CDK14: variants seen among roughly 807,000 people sequenced by gnomAD.
CDK14 encodes cyclin-dependent kinase 14.
In CDK14, 34 loss-of-function variants were observed where a neutral mutation model predicts 60.7. The ratio of observed to expected loss-of-function variants is 0.56; its 90% CI spans 0.43 to 0.75. CDK14 has a LOEUF of 0.75. CDK14 is among the 30% of genes least tolerant of loss of function. The pLI is 0.00. For synonymous variants in CDK14, 197 were observed against 203.7 expected, an observed-to-expected ratio of 0.97 and a Z score of 0.28; for missense variants, 482 against 564.1, an observed-to-expected ratio of 0.85 and a Z score of 1.47.
intron 10 of CDK14, among the ~76,000 whole-genome samples, chr7:91,028,445 A>G (rs937292209): frequency 1.3e-5 from 2 of 152,190 alleles, no homozygotes; most frequent in African/African-American, 2.4e-5. Context: ...GTAGCTACCT[A>G]CTAGTAGAAT....
intron 14 of CDK14, among the ~76,000 whole-genome samples, chr7:91,183,954 G>A (rs1021448913): frequency 2.6e-5 from 4 of 152,116 alleles, no homozygotes; most frequent in African/African-American, 9.7e-5. Context: ...CAGCACTTTG[G>A]GAGGCCAAGG....
intron 2 of CDK14, among the ~76,000 whole-genome samples, chr7:90,635,046 T>C (rs1004179548): frequency 6.6e-6 from 1 of 152,184 alleles, no homozygotes; most frequent in Non-Finnish European, 1.5e-5. Flanking sequence ...CTTTGTCAGA[T>C]GAGTAGGTTG....
intron 10 of CDK14, among the ~76,000 whole-genome samples, chr7:91,003,328 C>T (rs1795891975): frequency 6.6e-6 from 1 of 152,136 alleles, no homozygotes; most frequent in Non-Finnish European, 1.5e-5. Context: ...CTCACCTGGT[C>T]ACTGTCGCAG....
At chr7:91,008,246 G>T (rs1056294046) in intron 10 of CDK14, among the ~76,000 whole-genome samples, 1 of 151,816 alleles carries the variant, frequency 6.6e-6, no homozygotes, top group East Asian at 1.9e-4. Context: ...CTAACTCAAG[G>T]TGAAGCCAGC....
At chr7:91,073,954 T>C (rs1406830957) in intron 11 of CDK14, among the ~76,000 whole-genome samples, 1 of 152,144 alleles carries the variant, frequency 6.6e-6, no homozygotes, top group Non-Finnish European at 1.5e-5. Context: ...AACAACTAAC[T>C]ATCCAAAATA....
At chr7:91,097,048 G>C (rs780974017) in intron 12 of CDK14, among the ~76,000 whole-genome samples, 1 of 152,128 alleles carries the variant, frequency 6.6e-6, no homozygotes, top group Non-Finnish European at 1.5e-5. Flanking sequence ...AAATGGACTT[G>C]AGTAAAATTC....
intron 14 of CDK14, among the ~76,000 whole-genome samples, chr7:91,158,532 G>A (rs1186546707): frequency 6.6e-6 from 1 of 152,106 alleles, no homozygotes; most frequent in Non-Finnish European, 1.5e-5. Context: ...TTAGGTTGTT[G>A]CACTTCCAGA....
chr7:90,883,450 T>C (rs1205055176), intron 6 of CDK14, among the ~76,000 whole-genome samples: 1 of 151,630 alleles, frequency 6.6e-6, no homozygotes, highest in Non-Finnish European at 1.5e-5. Flanking sequence ...ATTGAGGCAG[T>C]AAACAAACAA....
intron 3 of CDK14, among the ~76,000 whole-genome samples, chr7:90,736,081 A>G (rs925690950): frequency 6.6e-6 from 1 of 151,754 alleles, no homozygotes; most frequent in African/African-American, 2.4e-5. Flanking sequence ...GGGGGAGGGA[A>G]ATCCCTTTAC....
At chr7:91,058,768 T>C (rs1338921519) in intron 11 of CDK14, among the ~76,000 whole-genome samples, 3 of 152,212 alleles carry the variant, frequency 2.0e-5, no homozygotes, top group Admixed American at 6.5e-5. Flanking sequence ...TTGATCATGA[T>C]GGATAAGCTT....
intron 2 of CDK14, among the ~76,000 whole-genome samples, chr7:90,706,414 A>T (rs1801896665): frequency 6.6e-6 from 1 of 152,162 alleles, no homozygotes; most frequent in Admixed American, 6.5e-5. Context: ...TGTCATCAGC[A>T]ACTCTTCTTA....
chr7:90,774,230 T>C (rs1249381888), intron 4 of CDK14, among the ~76,000 whole-genome samples: 5 of 152,138 alleles, frequency 3.3e-5, no homozygotes, highest in Non-Finnish European at 7.4e-5. Context: ...ATACCAGTTA[T>C]ATATAACGCT....
chr7:90,771,433 T>C (rs1287687864), intron 4 of CDK14, among the ~76,000 whole-genome samples: 2 of 152,202 alleles, frequency 1.3e-5, no homozygotes, highest in Non-Finnish European at 2.9e-5. Context: ...TCTTGTCTTA[T>C]GACCAAAAGG....
intron 2 of CDK14, among the ~76,000 whole-genome samples, chr7:90,620,104 C>A (rs1799735866): frequency 6.6e-6 from 1 of 152,172 alleles, no homozygotes; most frequent in South Asian, 2.1e-4. Flanking sequence ...TAATACATGT[C>A]CTACAAGATG....
chr7:91,058,804 G>C (rs541617783), intron 11 of CDK14, among the ~76,000 whole-genome samples: 28 of 152,320 alleles, frequency 1.8e-4, no homozygotes, highest in African/African-American at 6.0e-4. Context: ...GATTCAGTTT[G>C]CCAGTATTTT....
At chr7:90,851,672 C>T (rs1280226092) in intron 5 of CDK14, among the ~76,000 whole-genome samples, 6 of 152,096 alleles carry the variant, frequency 3.9e-5, no homozygotes, top group Admixed American at 3.3e-4. Context: ...TCTCCAATTC[C>T]TCTGTTTGAC....
chr7:90,952,516 G>A (rs1794293731), intron 8 of CDK14, among the ~76,000 whole-genome samples: 1 of 152,126 alleles, frequency 6.6e-6, no homozygotes, highest in African/African-American at 2.4e-5. Context: ...TCATTAGTTA[G>A]AAATGTCAAC....
chr7:90,900,200 T>G (rs1389726408), intron 7 of CDK14, among the ~76,000 whole-genome samples: 1 of 140,942 alleles, frequency 7.1e-6, no homozygotes, highest in African/African-American at 2.6e-5. Context: ...GCTTTTGTAG[T>G]GGTCAGTTAC....
intron 2 of CDK14, among the ~76,000 whole-genome samples, chr7:90,718,683 T>G (rs1001124396): frequency 6.6e-6 from 1 of 152,186 alleles, no homozygotes; most frequent in Admixed American, 6.6e-5. Context: ...TACATATCTT[T>G]GCTCTGTGTA....
Sources: allele counts gnomAD v4.1 joint callset (sites outside exome capture counted in the v4.1 genomes callset), GRCh38; gene constraint gnomAD v4.1.1; transcripts MANE v1.5; gene names NCBI Gene and HGNC (gene_info 2026-07-23, HGNC 2026-07-21).